RBBP7: variants seen among roughly 807,000 people sequenced by gnomAD.
RBBP7 encodes RB binding protein 7, chromatin remodeling factor, also known as histone-binding protein RBBP7.
In RBBP7, 5 loss-of-function variants were observed where a neutral mutation model predicts 35.2. That is an observed-to-expected ratio of 0.14 (90% confidence interval 0.07 to 0.30). RBBP7 has a LOEUF of 0.30. Ranked by LOEUF, RBBP7 falls within the 10% of genes least tolerant of loss-of-function variation. The probability of loss-of-function intolerance (pLI) is 1.00; values close to 1 mark genes in which losing one functional copy is unlikely to be tolerated. For synonymous variants in RBBP7, 140 were observed against 118.7 expected (o/e 1.18, Z -1.17); for missense variants, 155 against 327.5 (o/e 0.47, Z 4.07).
At chrX:16,854,410 T>TCTAC (rs1930295893) in intron 5 of RBBP7, among the ~76,000 whole-genome samples, 1 of 110,260 alleles carries the variant, frequency 9.1e-6, no homozygotes, top group Non-Finnish European at 1.9e-5. Flanking sequence ...TGCTGGAATT[T>TCTAC]CTACCTACAT....
intron 10 of RBBP7, 42 bp from the exon 11 acceptor site, chrX:16,845,980 C>T (rs1296956885): frequency 8.5e-7 from 1 of 1,180,931 alleles, no homozygotes; most frequent in Non-Finnish European, 1.1e-6. Flanking sequence ...ATATACTCTC[C>T]TGTTAATCCT....
At position 16,852,053 on chromosome X, in the gene RBBP7, C is replaced by T; in HGVS notation, c.1033G>A (p.Asp345Asn). The part of the protein sequence containing the change: ...SGTDRRLNVW[D>N]LSKIGEEQSA... The stretch of plus-strand genomic sequence containing the variant: ...CACAGGACTGTAAGTTACCTTAAAT[C>T]CCACACATTCAGGCGGCGGTCAGTA... Residue 345 changes from aspartate (D) to asparagine (N), a missense_variant, in exon 9 of 12, where the codon GAT (aspartate) becomes AAT (asparagine). Coordinates refer to ENST00000380087, the MANE Select transcript of RBBP7 (RefSeq NM_002893.4). The T allele has an allele frequency of 1.7e-6, 2 of 1,203,472 alleles. No homozygotes were observed. The highest frequency in any genetic ancestry group is 2.3e-6 in the Non-Finnish European group (2 of 888,272).
chrX:16,862,996 T>C lies in RBBP7; in HGVS notation c.266A>G (p.Asp89Gly). 1 of 1,211,535 alleles carries C rather than the reference T, an allele frequency of 8.3e-7. No homozygotes were observed. The highest frequency in any genetic ancestry group is 1.7e-5 in the African/African-American group (1 of 57,822). ...ACAATGGGAAGCATCAAACTGTGCA[T>C]CATCATTGGGAATATGTACTCGAGC... The part of the protein sequence containing the change: ...VVARVHIPND[D>G]AQFDASHCDS... The change falls in exon 3 of 12, where the codon GAT (aspartate) becomes GGT (glycine). Residue 89 changes from aspartate to glycine, a missense_variant. By Grantham distance (94) the Asp-to-Gly change is moderately conservative. Coordinates refer to ENST00000380087, the MANE Select transcript of RBBP7 (RefSeq NM_002893.4).
chrX:16,864,542 A>AAG (rs1474909197), intron 2 of RBBP7, among the ~76,000 whole-genome samples: 34 of 40,723 alleles, frequency 8.3e-4, no homozygotes, highest in African/African-American at 3.5e-3. Context: ...AAAAAAAAAA[A>AAG]AAAAAGAAAA....
At chrX:16,857,946 G>C (rs1209685911) in intron 4 of RBBP7, among the ~76,000 whole-genome samples, 3 of 111,353 alleles carry the variant, frequency 2.7e-5, no homozygotes, top group Non-Finnish European at 5.6e-5. Flanking sequence ...AATTTGGGCA[G>C]TGGTGACCGT....
chrX:16,868,825 G>A (rs773267492), intron 2 of RBBP7, among the ~76,000 whole-genome samples: 1 of 111,981 alleles, frequency 8.9e-6, no homozygotes, highest in Non-Finnish European at 1.9e-5. Context: ...TCAAGCCCAG[G>A]AAATGTCAAA....
chrX:16,866,839 T>C (rs1178672711), intron 2 of RBBP7, among the ~76,000 whole-genome samples: 1 of 110,827 alleles, frequency 9.0e-6, no homozygotes, highest in Non-Finnish European at 1.9e-5. Flanking sequence ...ACAACAATCC[T>C]CAACATCCAA....
At chrX:16,866,414 T>G (rs769570161) in intron 2 of RBBP7, among the ~76,000 whole-genome samples, 1 of 104,369 alleles carries the variant, frequency 9.6e-6, no homozygotes, top group East Asian at 3.0e-4. Context: ...TAATCCCAGC[T>G]ACTCAGGAGG....
intron 3 of RBBP7, among the ~76,000 whole-genome samples, chrX:16,859,902 T>C (rs1040017615): frequency 7.2e-5 from 8 of 111,356 alleles, no homozygotes; most frequent in African/African-American, 2.6e-4. Context: ...CATGTCTTAA[T>C]ATCAGTATCT....
At chrX:16,867,158 C>A (rs1267443936) in intron 2 of RBBP7, among the ~76,000 whole-genome samples, 2 of 111,490 alleles carry the variant, frequency 1.8e-5, no homozygotes, top group Non-Finnish European at 3.8e-5. Context: ...TATGCTGCAC[C>A]AGGCACTTTA....
In RBBP7 at chrX:16,870,088, C is replaced by G; in HGVS notation, c.-35G>C. 9.2e-7 allele frequency: 1 copy of G among 1,084,045 alleles called. No homozygotes were observed. Among genetic ancestry groups the G allele is most frequent in the Non-Finnish European group, 1.2e-6 (1 of 823,532 alleles). 89.3% of individuals were successfully genotyped at this position (1,084,045 alleles called of 1,213,427 possible). ...GGTCGTTCGCCCCTCGCCGCCGCCT[C>G]GGACTCCTCTCGTTAGCCAAGAGCA... On this transcript the variant is annotated 5_prime_UTR_variant, in exon 1 of 12. Transcript: ENST00000380087.
intron 5 of RBBP7, 106 bp from the exon 6 acceptor site, chrX:16,853,948 T>A: frequency 1.4e-6 from 1 of 698,364 alleles, no homozygotes; most frequent in Non-Finnish European, 1.9e-6. Flanking sequence ...GCTGGTGCGA[T>A]CTCGGCTCAC....
At chrX:16,853,180 G>A (rs115689709) in intron 6 of RBBP7, 2,643 of 250,264 alleles carry the variant, frequency 0.011, 65 homozygotes, top group African/African-American at 0.067. Flanking sequence ...CCTAAAACTA[G>A]TTTTGACAAA....
chrX:16,867,173 G>C (rs1397916010), intron 2 of RBBP7, among the ~76,000 whole-genome samples: 1 of 111,345 alleles, frequency 9.0e-6, no homozygotes, highest in Non-Finnish European at 1.9e-5. Context: ...ACTTTAACAT[G>C]CATGATCTTA....
chrX:16,845,483 T>TGACCTCTC (rs1261136130), intron 11 of RBBP7, among the ~76,000 whole-genome samples: 1 of 111,896 alleles, frequency 8.9e-6, no homozygotes, highest in Non-Finnish European at 1.9e-5. Context: ...TTGAATGCCT[T>TGACCTCTC]GACCTCTCCT....
At chrX:16,864,575 T>C (rs1396717216) in intron 2 of RBBP7, among the ~76,000 whole-genome samples, 1 of 107,368 alleles carries the variant, frequency 9.3e-6, no homozygotes, top group African/African-American at 3.5e-5. Context: ...TGGGTCTTGG[T>C]TGATACATGC....
intron 2 of RBBP7, among the ~76,000 whole-genome samples, chrX:16,868,067 G>A (rs1319986433): frequency 9.0e-6 from 1 of 111,551 alleles, no homozygotes; most frequent in Middle Eastern, 4.2e-3. Flanking sequence ...TAAATTATAT[G>A]TCCGCAACAC....
At chrX:16,860,431 G>C (rs944494073) in intron 3 of RBBP7, among the ~76,000 whole-genome samples, 9 of 111,624 alleles carry the variant, frequency 8.1e-5, no homozygotes, top group African/African-American at 2.9e-4. Flanking sequence ...GCTCATGCCT[G>C]TAATCCCGGC....
At chrX:16,864,548 GAA>G (rs1340240290) in intron 2 of RBBP7, among the ~76,000 whole-genome samples, 11 of 31,012 alleles carry the variant, frequency 3.5e-4, no homozygotes, top group East Asian at 3.1e-3. Flanking sequence ...AAAAAAAAAA[GAA>G]AAAGAAAGAA....
Sources: gnomAD v4.1 joint callset for allele counts (sites outside exome capture counted in the v4.1 genomes callset) on GRCh38, gnomAD v4.1.1 for gene constraint, MANE v1.5 for transcripts, NCBI Gene and HGNC (gene_info 2026-07-23, HGNC 2026-07-21) for gene names.